UGT1A5: variants seen among roughly 807,000 people sequenced by gnomAD.
UGT1A5 encodes UDP-glucuronosyltransferase 1A5.
Under a neutral mutation model 40.3 loss-of-function variants are expected in UGT1A5, and 29 were observed. That is an observed-to-expected ratio of 0.72 (90% CI 0.54 to 0.98). The LOEUF is 0.98. Ranked by LOEUF, UGT1A5 falls within the 50% of genes least tolerant of loss-of-function variation. The probability of loss-of-function intolerance (pLI) is 0.00; values close to 1 mark genes in which losing one functional copy is unlikely to be tolerated. For synonymous variants in UGT1A5, 257 were observed against 262.5 expected (o/e 0.98, Z 0.20); for missense variants, 678 against 677.9 (o/e 1.00, Z 0.00).
At position 233,772,831 on chromosome 2, in the gene UGT1A5, T is replaced by TCACACAAGAAAGCCAGCAAGGAAG; in HGVS notation, c.*273_*274insACACAAGAAAGCCAGCAAGGAAGC. 1 of 893,952 alleles carries TCACACAAGAAAGCCAGCAAGGAAG rather than the reference T, an allele frequency of 1.1e-6. No homozygotes were observed. The highest frequency in any genetic ancestry group is 1.6e-6 in the Non-Finnish European group (1 of 642,656). 55.4% of individuals were successfully genotyped at this position (893,952 alleles called of 1,614,324 possible). A position where few individuals can be genotyped will look rare whatever the true frequency, so the allele number is the denominator to read the frequency against. On this transcript the variant is annotated 3_prime_UTR_variant, in exon 5 of 5. Coordinates refer to ENST00000373414, the MANE Select transcript of UGT1A5 (RefSeq NM_019078.2). ...AGAGGACGTGCAGACAGGCTGGCATTCTAGATTACTTTTCTTACTCTGAAA... is the reference window on the plus strand; with the variant it reads ...AGAGGACGTGCAGACAGGCTGGCATTCACACAAGAAAGCCAGCAAGGAAGCTAGATTACTTTTCTTACTCTGAAA...
chr2:233,753,697 A>G (rs1238167644), intron 1 of UGT1A5: 1 of 152,206 alleles, frequency 6.6e-6, no homozygotes, highest in African/African-American at 2.4e-5. Flanking sequence ...TTACAGATGC[A>G]CTTGGCTTTC....
chr2:233,748,205 G>A, intron 1 of UGT1A5: 1 of 1,514,056 alleles, frequency 6.6e-7, no homozygotes. Context: ...TGTCGTAATA[G>A]CCTTCAGTGA....
intron 1 of UGT1A5, among the ~76,000 whole-genome samples, chr2:233,722,820 A>AT (rs1013250134): frequency 4.0e-5 from 6 of 148,234 alleles, no homozygotes; most frequent in Non-Finnish European, 9.0e-5. Context: ...TTTTCAAGTT[A>AT]TTTTGTATTA....
intron 1 of UGT1A5, among the ~76,000 whole-genome samples, chr2:233,746,886 T>G (rs1265545295): frequency 6.6e-6 from 1 of 151,624 alleles, no homozygotes; most frequent in Non-Finnish European, 1.5e-5. Context: ...AACAGAGAAG[T>G]AGGAGGCTGT....
intron 1 of UGT1A5, chr2:233,743,237 G>A: frequency 2.4e-6 from 1 of 420,010 alleles, no homozygotes; most frequent in Non-Finnish European, 4.6e-6. Context: ...TATTATGAAG[G>A]ACTTTAACTC....
intron 1 of UGT1A5, chr2:233,755,329 C>G (rs1159047004): frequency 4.3e-6 from 2 of 468,526 alleles, no homozygotes; most frequent in African/African-American, 2.0e-5. Flanking sequence ...CTGCCAGCAC[C>G]CGCGCACAGG....
intron 1 of UGT1A5, among the ~76,000 whole-genome samples, chr2:233,717,599 A>T (rs1437160021): frequency 6.6e-6 from 1 of 152,232 alleles, no homozygotes; most frequent in African/African-American, 2.4e-5. Flanking sequence ...TGAGATGGAA[A>T]GTGGGCACAG....
At chr2:233,715,057 T>C (rs1032772184) in intron 1 of UGT1A5, among the ~76,000 whole-genome samples, 2 of 152,140 alleles carry the variant, frequency 1.3e-5, no homozygotes. Flanking sequence ...TCTTTTTTTT[T>C]GTATTTTTTA....
intron 1 of UGT1A5, among the ~76,000 whole-genome samples, chr2:233,761,825 G>A (rs1697874860): frequency 6.6e-6 from 1 of 152,234 alleles, no homozygotes; most frequent in South Asian, 2.1e-4. Flanking sequence ...GGCTCCTTCA[G>A]ATGGAGCGTT....
intron 1 of UGT1A5, among the ~76,000 whole-genome samples, chr2:233,761,398 A>G (rs1697764462): frequency 6.6e-6 from 1 of 152,192 alleles, no homozygotes; most frequent in Non-Finnish European, 1.5e-5. Context: ...AGTGGATAGT[A>G]ATCAATTAGA....
chr2:233,719,009 A>G (rs762473757), intron 1 of UGT1A5: 43 of 1,614,078 alleles, frequency 2.7e-5, no homozygotes, highest in Admixed American at 2.3e-4. Flanking sequence ...TCCTCACCCC[A>G]GAGGTGAATA....
intron 1 of UGT1A5, among the ~76,000 whole-genome samples, chr2:233,751,050 G>T (rs1201577547): frequency 6.6e-6 from 1 of 151,910 alleles, no homozygotes; most frequent in Non-Finnish European, 1.5e-5. Context: ...GCCTGGAAAA[G>T]ACACAGACAC....
rs1042710 is a variant in UGT1A5 at position 233,772,562 on chromosome 2, A to G, written c.*3A>G. The G allele has an allele frequency of 6.2e-7, 1 of 1,613,458 alleles. No homozygotes were observed. The highest frequency in any genetic ancestry group is 8.5e-7 in the Non-Finnish European group (1 of 1,179,694). On this transcript the variant is annotated 3_prime_UTR_variant, in exon 5 of 5. Transcript: ENST00000373414. ...CCCACAAATCCAAGACCCATTGAGA[A>G]GTGGGTGGGAAATAAGGTAAAATTT...
At chr2:233,768,093 C>T in intron 3 of UGT1A5, 127 bp from the exon 4 acceptor site, 1 of 1,591,452 alleles carries the variant, frequency 6.3e-7, no homozygotes, top group Non-Finnish European at 8.6e-7. Context: ...CCCACATTTT[C>T]TTCTGCAAAT....
At chr2:233,725,145 C>G (rs1322618816) in intron 1 of UGT1A5, among the ~76,000 whole-genome samples, 10 of 128,172 alleles carry the variant, frequency 7.8e-5, no homozygotes, top group African/African-American at 3.4e-4. Context: ...CAGTACAGTC[C>G]AGCTTCGGCT....
In UGT1A5 at chr2:233,772,680, C is replaced by T; in HGVS notation, c.*121C>T. 2 of 1,530,096 alleles carry T rather than the reference C, an allele frequency of 1.3e-6. No homozygotes were observed. The highest frequency in any genetic ancestry group is 2.5e-5 in the South Asian group (2 of 81,594). 94.8% of individuals were successfully genotyped at this position (1,530,096 alleles called of 1,614,324 possible). A position where few individuals can be genotyped will look rare whatever the true frequency, so the allele number is the denominator to read the frequency against. On this transcript the variant is annotated 3_prime_UTR_variant, in exon 5 of 5. Transcript: ENST00000373414. ...AAGGAAATACTTTGCATAAATTAAT[C>T]AGCCCCAGAGTGCTTTAAAAAATTC...
At position 233,772,686 on chromosome 2, in the gene UGT1A5, C is replaced by T. The variant is rs1700541749; in HGVS notation, c.*127C>T. The T allele has an allele frequency of 2.0e-6, 3 of 1,495,122 alleles. No individual in the cohort carries two copies. The highest frequency in any genetic ancestry group is 2.4e-5 in the Admixed American group (1 of 41,056). 92.6% of individuals were successfully genotyped at this position (1,495,122 alleles called of 1,614,324 possible). A position where few individuals can be genotyped will look rare whatever the true frequency, so the allele number is the denominator to read the frequency against. On this transcript the variant is annotated 3_prime_UTR_variant, in exon 5 of 5. Coordinates refer to ENST00000373414, the MANE Select transcript of UGT1A5 (RefSeq NM_019078.2). ...ATACTTTGCATAAATTAATCAGCCCCAGAGTGCTTTAAAAAATTCTCTTAA... is the reference window on the plus strand; with the variant it reads ...ATACTTTGCATAAATTAATCAGCCCTAGAGTGCTTTAAAAAATTCTCTTAA...
At chr2:233,747,710 A>G (rs1208548533) in intron 1 of UGT1A5, 3 of 1,612,980 alleles carry the variant, frequency 1.9e-6, no homozygotes, top group Non-Finnish European at 1.7e-6. Flanking sequence ...AGTACCTATC[A>G]ATTCCTGCTG....
chr2:233,751,206 C>G (rs1365392073), intron 1 of UGT1A5, among the ~76,000 whole-genome samples: 1 of 151,962 alleles, frequency 6.6e-6, no homozygotes, highest in Non-Finnish European at 1.5e-5. Flanking sequence ...AATTTTGGAG[C>G]TTTAAGATTT....
Sources: gnomAD v4.1 joint callset for allele counts (sites outside exome capture counted in the v4.1 genomes callset) on GRCh38, gnomAD v4.1.1 for gene constraint, MANE v1.5 for transcripts, NCBI Gene and HGNC (gene_info 2026-07-23, HGNC 2026-07-21) for gene names.